AGMO: variants seen among roughly 807,000 people sequenced by gnomAD.
AGMO encodes the protein alkylglycerol monooxygenase.
Under a neutral mutation model 60.2 loss-of-function variants are expected in AGMO, and 75 were observed. The ratio of observed to expected loss-of-function variants is 1.25; its 90% CI spans 1.03 to 1.51. The LOEUF is 1.51. Among genes scored for constraint, AGMO ranks in the 40% most tolerant of loss-of-function variants. The pLI is 0.00. For missense variants in AGMO, 763 were observed against 525.5 expected, an observed-to-expected ratio of 1.45 and a Z score of -4.42; for synonymous variants, 261 against 177.1, an observed-to-expected ratio of 1.47 and a Z score of -3.76.
intron 10 of AGMO, among the ~76,000 whole-genome samples, chr7:15,379,241 G>T (rs1296624207): frequency 6.6e-6 from 1 of 151,914 alleles, no homozygotes; most frequent in Non-Finnish European, 1.5e-5. Context: ...AAATCCCAAA[G>T]CTATCACAAG....
intron 12 of AGMO, among the ~76,000 whole-genome samples, chr7:15,222,533 A>G (rs1781952940): frequency 6.6e-6 from 1 of 152,126 alleles, no homozygotes; most frequent in East Asian, 1.9e-4. Context: ...GCTAGTCATT[A>G]GAAATGGTCA....
chr7:15,274,601 A>C (rs1783723303), intron 12 of AGMO, among the ~76,000 whole-genome samples: 1 of 151,934 alleles, frequency 6.6e-6, no homozygotes, highest in East Asian at 1.9e-4. Flanking sequence ...AAATCAGTCA[A>C]GAAAGAATCT....
At chr7:15,428,450 A>G (rs1346146127) in intron 4 of AGMO, among the ~76,000 whole-genome samples, 1 of 152,156 alleles carries the variant, frequency 6.6e-6, no homozygotes, top group African/African-American at 2.4e-5. Flanking sequence ...GTTTGTAAAG[A>G]TAAATTATTC....
In AGMO at chr7:15,313,001, A is replaced by C. The variant is rs149140435; in HGVS notation, c.1263+52513T>G. Among the ~76,000 whole-genome samples the C allele has an allele frequency of 8.2e-3, 1,246 of 152,274 alleles. 7 individuals are homozygous for C. Among genetic ancestry groups the C allele is most frequent in the South Asian group, 0.016 (77 of 4,826 alleles). On this transcript the variant is annotated intron_variant, in intron 12 of 12. Coordinates refer to ENST00000342526, the MANE Select transcript of AGMO (RefSeq NM_001004320.2). ...TCTGAATAATGAATTTCATCAGAAGAAAAGTGATCTAATATACAAGGTCAG... is the reference window on the plus strand; with the variant it reads ...TCTGAATAATGAATTTCATCAGAAGCAAAGTGATCTAATATACAAGGTCAG...
intron 12 of AGMO, among the ~76,000 whole-genome samples, chr7:15,255,927 T>G (rs1783083723): frequency 6.6e-6 from 1 of 152,180 alleles, no homozygotes; most frequent in Non-Finnish European, 1.5e-5. Flanking sequence ...TTTTAATGAC[T>G]GATCATGGGA....
the AGMO span, among the ~76,000 whole-genome samples, chr7:15,135,020 G>T: frequency 1.0e-3 from 153 of 151,712 alleles, 2 homozygotes; most frequent in African/African-American, 3.4e-3. Flanking sequence ...CTATCCATCT[G>T]ATTCCAGGAA....
intron 12 of AGMO, among the ~76,000 whole-genome samples, chr7:15,290,631 C>T (rs1784235824): frequency 6.6e-6 from 1 of 151,996 alleles, no homozygotes; most frequent in Non-Finnish European, 1.5e-5. Flanking sequence ...GGGCACCAGG[C>T]AGTTGGTTTA....
At chr7:15,135,974 C>CTTTTT in the AGMO span, among the ~76,000 whole-genome samples, 11 of 63,806 alleles carry the variant, frequency 1.7e-4, no homozygotes, top group African/African-American at 4.4e-4. Context: ...TATATTTTTT[C>CTTTTT]TTTTCTTTTT....
chr7:15,309,043 G>A (rs1385036772), intron 12 of AGMO, among the ~76,000 whole-genome samples: 1 of 152,068 alleles, frequency 6.6e-6, no homozygotes, highest in Non-Finnish European at 1.5e-5. Context: ...CAGGCACTGG[G>A]CTGAAACCAT....
At chr7:15,215,100 G>A (rs1031513338) in intron 12 of AGMO, among the ~76,000 whole-genome samples, 2 of 151,836 alleles carry the variant, frequency 1.3e-5, no homozygotes, top group Non-Finnish European at 1.5e-5. Context: ...ATTTTAAATC[G>A]AATACTAGCA....
chr7:15,417,280 A>C (rs1045780737), intron 5 of AGMO, among the ~76,000 whole-genome samples: 2 of 152,180 alleles, frequency 1.3e-5, no homozygotes, highest in Non-Finnish European at 2.9e-5. Context: ...AAACAGGAAT[A>C]AGTCTCACCA....
At chr7:15,332,872 T>G (rs1018816277) in intron 12 of AGMO, among the ~76,000 whole-genome samples, 1 of 152,160 alleles carries the variant, frequency 6.6e-6, no homozygotes, top group East Asian at 1.9e-4. Context: ...CTCTGACAGA[T>G]ATTACAAAAT....
intron 12 of AGMO, among the ~76,000 whole-genome samples, chr7:15,240,778 C>T (rs4321892): frequency 0.32 from 48,794 of 151,986 alleles, 11,615 homozygotes; most frequent in African/African-American, 0.67. Context: ...TTCCTGAACA[C>T]ATGCAATATG....
At chr7:15,215,711 C>T (rs1336645027) in intron 12 of AGMO, among the ~76,000 whole-genome samples, 2 of 152,018 alleles carry the variant, frequency 1.3e-5, no homozygotes, top group Non-Finnish European at 2.9e-5. Context: ...AGATTTGAAA[C>T]AGTGCAGCAG....
At chr7:15,147,052 G>C in the AGMO span, among the ~76,000 whole-genome samples, 2 of 152,018 alleles carry the variant, frequency 1.3e-5, no homozygotes, top group Non-Finnish European at 2.9e-5. Context: ...GAATAGTAAA[G>C]TGCTCTGCCA....
the AGMO span, among the ~76,000 whole-genome samples, chr7:15,181,201 T>C: frequency 1.3e-5 from 2 of 152,178 alleles, no homozygotes; most frequent in African/African-American, 2.4e-5. Context: ...TTATTCACAG[T>C]TCATTAGAGA....
chr7:15,155,800 T>A, the AGMO span, among the ~76,000 whole-genome samples: 1 of 152,166 alleles, frequency 6.6e-6, no homozygotes, highest in Non-Finnish European at 1.5e-5. Context: ...GTCTTTTGTA[T>A]GGGGCATTTT....
intron 12 of AGMO, among the ~76,000 whole-genome samples, chr7:15,247,723 T>A (rs573597265): frequency 1.1e-4 from 16 of 152,146 alleles, no homozygotes; most frequent in South Asian, 2.1e-4. Flanking sequence ...ATCACTTTAT[T>A]ATATACTTTA....
the AGMO span, among the ~76,000 whole-genome samples, chr7:15,163,536 T>C: frequency 2.5e-4 from 38 of 152,314 alleles, no homozygotes; most frequent in East Asian, 2.7e-3. Flanking sequence ...TAAAGGGATG[T>C]TAGATTTTAT....
Sources: allele counts gnomAD v4.1 joint callset (sites outside exome capture counted in the v4.1 genomes callset), GRCh38; gene constraint gnomAD v4.1.1; transcripts MANE v1.5; gene names NCBI Gene and HGNC (gene_info 2026-07-23, HGNC 2026-07-21).